Variants in NDUFA12 observed in about 807,000 individuals in gnomAD.
The protein encoded by NDUFA12 is NADH dehydrogenase [ubiquinone] 1 alpha subcomplex subunit 12.
A neutral mutation model predicts 20.3 loss-of-function variants in NDUFA12; 17 were observed. The ratio of observed to expected loss-of-function variants is 0.84; its 90% CI spans 0.57 to 1.26. The LOEUF (loss-of-function observed/expected upper bound fraction) is 1.26. Ranked by LOEUF, NDUFA12 falls within the 50% of genes most tolerant of loss-of-function variation. The pLI is 0.00. For synonymous variants in NDUFA12, 72 were observed against 63.6 expected (o/e 1.13, Z -0.63); for missense variants, 191 against 183.7 (o/e 1.04, Z -0.23).
At chr12:95,002,218 G>T (rs1875064860) in intron 2 of NDUFA12, among the ~76,000 whole-genome samples, 1 of 150,696 alleles carries the variant, frequency 6.6e-6, no homozygotes. Flanking sequence ...AAGGCGGGTG[G>T]ATCACGAGGT....
intron 3 of NDUFA12, among the ~76,000 whole-genome samples, chr12:94,986,054 C>T (rs1874425900): frequency 6.6e-6 from 1 of 151,284 alleles, no homozygotes; most frequent in Admixed American, 6.6e-5. Flanking sequence ...CACTGCATCC[C>T]AGTCTGGGCG....
intron 3 of NDUFA12, among the ~76,000 whole-genome samples, chr12:94,985,460 T>C (rs1232364048): frequency 6.7e-6 from 1 of 149,958 alleles, no homozygotes; most frequent in Non-Finnish European, 1.5e-5. Context: ...TCGTCTCTAC[T>C]AAAAAAATAC....
At chr12:94,982,057 T>C (rs182396683) in intron 3 of NDUFA12, among the ~76,000 whole-genome samples, 1 of 152,304 alleles carries the variant, frequency 6.6e-6, no homozygotes, top group Non-Finnish European at 1.5e-5. Flanking sequence ...CTAATGTCTC[T>C]AAGGGAAATC....
chr12:95,003,106 G>A (rs1428687986), intron 1 of NDUFA12, among the ~76,000 whole-genome samples: 1 of 152,180 alleles, frequency 6.6e-6, no homozygotes, highest in Admixed American at 6.5e-5. Flanking sequence ...AAAAGCCAAA[G>A]TATTTCATCT....
chr12:94,972,586 A>G, intron 3 of NDUFA12: 1 of 376,226 alleles, frequency 2.7e-6, no homozygotes, highest in East Asian at 7.8e-5. Flanking sequence ...AATCAGGGCC[A>G]GGCACAGTGG....
At chr12:95,002,665 A>G (rs1875095525) in intron 2 of NDUFA12, 74 bp downstream of exon 2, 3 of 1,083,102 alleles carry the variant, frequency 2.8e-6, no homozygotes, top group African/African-American at 3.1e-5. Context: ...AGCTCATTGC[A>G]TAATATGGAA....
intron 2 of NDUFA12, among the ~76,000 whole-genome samples, chr12:95,002,439 A>T (rs1208902606): frequency 1.5e-5 from 1 of 68,802 alleles, no homozygotes; most frequent in African/African-American, 4.6e-5. Flanking sequence ...CTCCATCTCA[A>T]AAAAAAAAAA....
chr12:94,994,328 A>T, intron 2 of NDUFA12, 71 bp from the exon 3 acceptor site: 1 of 1,132,072 alleles, frequency 8.8e-7, no homozygotes, highest in Non-Finnish European at 1.3e-6. Context: ...ATATCAAAGA[A>T]GACAACCTTT....
In NDUFA12 at chr12:94,994,051, GA is replaced by G. The variant is rs1375584338; in HGVS notation, c.257+118del. On this transcript the variant is annotated intron_variant, in intron 3 of 3. Coordinates refer to ENST00000327772, the MANE Select transcript of NDUFA12 (RefSeq NM_018838.5). ...ATGTGGGAGGATCACTTGAGCCTGG[GA>G]GGTCAAAGCTGACATGAGTCATGAT... is the stretch of plus-strand genomic sequence containing the variant. 3 of 833,830 alleles carry G rather than the reference GA, an allele frequency of 3.6e-6. No individual in the cohort carries two copies. The African/African-American group carries it at 5.0e-5, about 14-fold the overall frequency. 51.7% of individuals were successfully genotyped at this position (833,830 alleles called of 1,614,324 possible).
At chr12:94,986,259 A>C (rs1874438302) in intron 3 of NDUFA12, among the ~76,000 whole-genome samples, 1 of 151,984 alleles carries the variant, frequency 6.6e-6, no homozygotes, top group African/African-American at 2.4e-5. Flanking sequence ...AAAAAAAGAA[A>C]AACAAGCAGA....
intron 3 of NDUFA12, chr12:94,972,333 C>A: frequency 6.1e-6 from 2 of 325,736 alleles, no homozygotes; most frequent in South Asian, 4.8e-5. Context: ...ATGGCCACTA[C>A]TGATTATAAT....
At chr12:95,002,243 C>T (rs879328632) in intron 2 of NDUFA12, among the ~76,000 whole-genome samples, 4 of 150,420 alleles carry the variant, frequency 2.7e-5, no homozygotes, top group Non-Finnish European at 5.9e-5. Flanking sequence ...AGTTCAAGAC[C>T]AGCCTGGCCA....
At position 94,984,714 on chromosome 12, in the gene NDUFA12, CA is replaced by C. The variant is rs1162774247; in HGVS notation, c.257+9455del. Reference sequence around the variant, plus strand: ...AATGACCCCCTCTAATGCTAATAGCCAAAAAAAAAAAACAACAAAAAACCCA... The same window carrying C: ...AATGACCCCCTCTAATGCTAATAGCCAAAAAAAAAAACAACAAAAAACCCA... On this transcript the variant is annotated intron_variant, in intron 3 of 3. Coordinates refer to ENST00000327772, the MANE Select transcript of NDUFA12 (RefSeq NM_018838.5). Among the ~76,000 whole-genome samples, 29 of 6,832 alleles carry C rather than the reference CA, an allele frequency of 4.2e-3. 1 individual carries two copies. The highest frequency in any genetic ancestry group is 0.12 in the Middle Eastern group (1 of 8). 4.5% of individuals were successfully genotyped at this position (6,832 alleles called of 152,430 possible).
chr12:94,979,883 C>T lies in NDUFA12; in HGVS notation c.258-8263G>A, dbSNP rs567614155. 6.6e-5 allele frequency among the ~76,000 whole-genome samples: 10 copies of T among 151,798 alleles called. No individual in the cohort carries two copies. The South Asian group carries it at 2.1e-3, about 32-fold the overall frequency. ...GGAACTATGTCCAATATTGACAGTG[C>T]ATGTCTACTAGGGGCTATGTGGATC... On this transcript the variant is annotated intron_variant, in intron 3 of 3. Coordinates refer to ENST00000327772, the MANE Select transcript of NDUFA12 (RefSeq NM_018838.5).
intron 3 of NDUFA12, chr12:94,971,924 T>C (rs932908422): frequency 2.8e-5 from 13 of 458,676 alleles, no homozygotes; most frequent in Non-Finnish European, 4.9e-5. Context: ...CTTCGTTTTC[T>C]TTCTTTCTTT....
chr12:94,981,023 G>C (rs1874218618), intron 3 of NDUFA12, among the ~76,000 whole-genome samples: 1 of 152,038 alleles, frequency 6.6e-6, no homozygotes, highest in Admixed American at 6.6e-5. Context: ...GTGTGTTACT[G>C]TGTAGACGGT....
intron 2 of NDUFA12, among the ~76,000 whole-genome samples, chr12:95,000,564 ACAG>A (rs1022802565): frequency 1.3e-5 from 2 of 152,248 alleles, no homozygotes; most frequent in Admixed American, 6.5e-5. Context: ...ATCTTTTAAT[ACAG>A]CTTTAGGAGG....
intron 3 of NDUFA12, among the ~76,000 whole-genome samples, chr12:94,973,798 C>G (rs1873967361): frequency 6.6e-6 from 1 of 151,996 alleles, no homozygotes; most frequent in Non-Finnish European, 1.5e-5. Context: ...AAATAATAAA[C>G]TATACCCATT....
chr12:94,973,634 G>A (rs1873962091), intron 3 of NDUFA12, among the ~76,000 whole-genome samples: 1 of 152,176 alleles, frequency 6.6e-6, no homozygotes, highest in African/African-American at 2.4e-5. Flanking sequence ...ATAGTCCCAA[G>A]CTTATGCCTA....
Sources: gnomAD v4.1 joint callset for allele counts (sites outside exome capture counted in the v4.1 genomes callset) on GRCh38, gnomAD v4.1.1 for gene constraint, MANE v1.5 for transcripts, NCBI Gene and HGNC (gene_info 2026-07-23, HGNC 2026-07-21) for gene names.